Variants in COLEC10 observed in about 807,000 individuals in gnomAD.
The protein encoded by COLEC10 is collectin-10.
Under a neutral mutation model 28.4 loss-of-function variants are expected in COLEC10, and 22 were observed. That is an observed-to-expected ratio of 0.78 (90% confidence interval 0.55 to 1.11). The LOEUF (loss-of-function observed/expected upper bound fraction) is 1.11, where lower values mean the gene tolerates loss of function less well. COLEC10 is among the 50% of genes least tolerant of loss of function. COLEC10 has a pLI of 0.00. For synonymous variants in COLEC10, 125 were observed against 116.1 expected (o/e 1.08, Z -0.49); for missense variants, 361 against 344.1 (o/e 1.05, Z -0.39).
the COLEC10 span, among the ~76,000 whole-genome samples, chr8:118,961,219 C>T: frequency 6.6e-6 from 1 of 152,154 alleles, no homozygotes; most frequent in African/African-American, 2.4e-5. Context: ...CAAGGTGAGA[C>T]ACACAGTTAG....
At chr8:119,069,629 A>AAATATATATATAT (rs1554627284) in intron 1 of COLEC10, among the ~76,000 whole-genome samples, 2 of 42,880 alleles carry the variant, frequency 4.7e-5, no homozygotes, top group Non-Finnish European at 8.8e-5. Context: ...AAAAAAAAAA[A>AAATATATATATAT]ATATATATAT....
At chr8:118,993,591 G>A (rs1196686433), upstream of COLEC10, among the ~76,000 whole-genome samples, 1 of 152,102 alleles carries the variant, frequency 6.6e-6, no homozygotes, top group African/African-American at 2.4e-5. Context: ...CTGACATAAG[G>A]TGAGCCACCC....
At chr8:119,079,375 G>A (rs1815323097) in intron 1 of COLEC10, among the ~76,000 whole-genome samples, 1 of 152,134 alleles carries the variant, frequency 6.6e-6, no homozygotes, top group South Asian at 2.1e-4. Context: ...CAGTGATGGA[G>A]CCTGGACTTG....
In COLEC10 at chr8:119,108,221, A is replaced by G. The variant is rs1334111474; in HGVS notation, c.*2030A>G. Among the ~76,000 whole-genome samples the G allele has an allele frequency of 6.6e-6, 1 of 152,222 alleles. No individual in the cohort carries two copies. The highest frequency in any genetic ancestry group is 1.5e-5 in the Non-Finnish European group (1 of 68,044). ...ATCAAACGCCAGTATCCTTGGATAG[A>G]AAGCCATCCCAGATCATGAGGAATG... is the stretch of plus-strand genomic sequence containing the variant. On this transcript the variant is annotated 3_prime_UTR_variant, in exon 6 of 6. Transcript: ENST00000332843.
intron 2 of COLEC10, among the ~76,000 whole-genome samples, chr8:119,023,776 A>G (rs1399310230): frequency 2.0e-5 from 3 of 152,190 alleles, no homozygotes; most frequent in East Asian, 1.9e-4. Context: ...CTGACAATGC[A>G]TTCTATGAAA....
chr8:119,067,604 C>T (rs1176153642), intron 1 of COLEC10, 175 bp downstream of exon 1: 2 of 594,422 alleles, frequency 3.4e-6, no homozygotes, highest in Non-Finnish European at 5.7e-6. Flanking sequence ...TTATTTAAAG[C>T]TCTCCTTTGA....
chr8:118,984,344 T>C, the COLEC10 span, among the ~76,000 whole-genome samples: 1 of 151,742 alleles, frequency 6.6e-6, no homozygotes, highest in African/African-American at 2.4e-5. Flanking sequence ...GGGTACAGGG[T>C]GGGAGAAGGG....
At chr8:119,103,935 A>T (rs1310457174) in intron 5 of COLEC10, 40 bp downstream of exon 5, 1 of 1,281,250 alleles carries the variant, frequency 7.8e-7, no homozygotes, top group South Asian at 1.2e-5. Flanking sequence ...CTATTGATAG[A>T]TCTCCATCAA....
At chr8:118,994,734 T>C (rs759582446), upstream of COLEC10, among the ~76,000 whole-genome samples, 20 of 152,302 alleles carry the variant, frequency 1.3e-4, no homozygotes, top group Non-Finnish European at 2.6e-4. Flanking sequence ...CCATCTCTAG[T>C]AGAGCTGAAC....
At chr8:118,979,996 G>C in the COLEC10 span, among the ~76,000 whole-genome samples, 1 of 151,968 alleles carries the variant, frequency 6.6e-6, no homozygotes, top group African/African-American at 2.4e-5. Context: ...TTGCTTCCCC[G>C]GTGTGAGTAA....
chr8:119,085,973 A>C (rs896652759), intron 1 of COLEC10, among the ~76,000 whole-genome samples: 1 of 152,070 alleles, frequency 6.6e-6, no homozygotes, highest in Non-Finnish European at 1.5e-5. Flanking sequence ...ACAACTCCCC[A>C]GTCTATAAGA....
chr8:119,064,739 A>G (rs1025617623), upstream of COLEC10, among the ~76,000 whole-genome samples: 3 of 152,126 alleles, frequency 2.0e-5, no homozygotes, highest in South Asian at 2.1e-4. Flanking sequence ...GAGAATGTTC[A>G]TCTTTATGGA....
At position 119,041,106 on chromosome 8, in the gene COLEC10, C is replaced by G. The variant is rs572540518; in HGVS notation, n.235+31553C>G. Among the ~76,000 whole-genome samples, 10 of 152,288 alleles carry G rather than the reference C, an allele frequency of 6.6e-5. No homozygotes were observed. In the East Asian group the frequency reaches 1.9e-3, roughly 29 times the overall value. ...TTTGACACTATGCCAAAGGAGCACA[C>G]AAATCCTTGTCTAAGGGTCTACTTC... On this transcript the variant is annotated intron_variant and non_coding_transcript_variant, in intron 2 of 6. Coordinates refer to the COLEC10 transcript ENST00000521788.
At chr8:119,031,933 T>A (rs183496546) in intron 2 of COLEC10, among the ~76,000 whole-genome samples, 225 of 152,336 alleles carry the variant, frequency 1.5e-3, no homozygotes, top group Middle Eastern at 3.4e-3. Flanking sequence ...ATTTGGTACT[T>A]TTTGTGTAGC....
the COLEC10 span, among the ~76,000 whole-genome samples, chr8:118,987,019 G>T: frequency 6.6e-6 from 1 of 151,856 alleles, no homozygotes; most frequent in Non-Finnish European, 1.5e-5. Flanking sequence ...ACTTTTAAAA[G>T]ATTAATTTTA....
intron 1 of COLEC10, among the ~76,000 whole-genome samples, chr8:119,085,946 G>A (rs1469596017): frequency 6.6e-6 from 1 of 152,056 alleles, no homozygotes; most frequent in African/African-American, 2.4e-5. Flanking sequence ...GGCTGATCAG[G>A]AGAAAGGTTA....
chr8:118,967,477 G>A, the COLEC10 span, among the ~76,000 whole-genome samples: 1 of 151,952 alleles, frequency 6.6e-6, no homozygotes, highest in African/African-American at 2.4e-5. Context: ...TAAACTTGTA[G>A]CTGTTCTATG....
chr8:119,091,638 T>C (rs1815605199), intron 3 of COLEC10, among the ~76,000 whole-genome samples: 1 of 143,948 alleles, frequency 6.9e-6, no homozygotes, highest in Non-Finnish European at 1.5e-5. Context: ...AGAAAGAAAA[T>C]TGAGGATACC....
At chr8:119,070,490 TCCCTCCCTCTCTCTCTCTC>T (rs1815091057) in intron 1 of COLEC10, among the ~76,000 whole-genome samples, 2 of 43,322 alleles carry the variant, frequency 4.6e-5, no homozygotes, top group East Asian at 6.5e-4. Flanking sequence ...TCCCCCTCCT[TCCCTCCCTCTCTCTCTCTC>T]CCCCCTCCTT....
Sources: allele counts gnomAD v4.1 joint callset (sites outside exome capture counted in the v4.1 genomes callset), GRCh38; gene constraint gnomAD v4.1.1; transcripts MANE v1.5; gene names NCBI Gene and HGNC (gene_info 2026-07-23, HGNC 2026-07-21).